Variants in COPG2 observed in about 807,000 individuals in gnomAD.
The protein encoded by COPG2 is coat protein complex I subunit gamma 2.
In COPG2, 37 loss-of-function variants were observed where a neutral mutation model predicts 46.3. The observed-to-expected ratio is 0.80, with a 90% CI of 0.61 to 1.05. COPG2 has a LOEUF of 1.05. Ranked by LOEUF, COPG2 falls within the 50% of genes least tolerant of loss-of-function variation. COPG2 has a pLI of 0.00. For missense variants in COPG2, 427 were observed against 387.8 expected (o/e 1.10, Z -0.85); for synonymous variants, 159 against 129.7 (o/e 1.23, Z -1.53).
chr7:130,532,481 G>C (rs1321109657), intron 20 of COPG2, among the ~76,000 whole-genome samples: 1 of 151,994 alleles, frequency 6.6e-6, no homozygotes, highest in African/African-American at 2.4e-5. Context: ...GGACTGACAG[G>C]AGCACCCAGG....
chr7:130,642,058 TCTCAATTCTCTCAATTCTCAATTC>T (rs1415997998), intron 5 of COPG2, among the ~76,000 whole-genome samples: 40 of 152,228 alleles, frequency 2.6e-4, no homozygotes, highest in South Asian at 4.1e-4. Context: ...ATTCCAGAAT[TCTCAATTCTCTCAATTCTCAATTC>T]CTCAATTCTC....
intron 5 of COPG2, chr7:130,645,206 G>A: frequency 1.5e-6 from 1 of 685,324 alleles, no homozygotes; most frequent in South Asian, 1.4e-5. Flanking sequence ...CCCCTTTCCA[G>A]AATGAGCTAC....
At chr7:130,532,967 A>G (rs1799843548) in intron 20 of COPG2, among the ~76,000 whole-genome samples, 1 of 152,098 alleles carries the variant, frequency 6.6e-6, no homozygotes, top group Non-Finnish European at 1.5e-5. Context: ...CATGCTATGC[A>G]GTAGAGGAGG....
chr7:130,612,098 C>T (rs1794859746), intron 8 of COPG2, 54 bp downstream of exon 8: 6 of 1,277,180 alleles, frequency 4.7e-6, no homozygotes, highest in African/African-American at 1.5e-5. Flanking sequence ...CCCTACAATA[C>T]AGGTTTAAAG....
chr7:130,532,140 G>C (rs938905179), intron 20 of COPG2, among the ~76,000 whole-genome samples: 4 of 152,190 alleles, frequency 2.6e-5, no homozygotes, highest in Admixed American at 6.5e-5. Context: ...GGAGGCATCA[G>C]GGTCAAGACT....
chr7:130,583,691 G>A (rs1403584486), intron 9 of COPG2, among the ~76,000 whole-genome samples: 3 of 149,206 alleles, frequency 2.0e-5, no homozygotes, highest in African/African-American at 7.4e-5. Flanking sequence ...TGTAGTCCCA[G>A]CTACTTGGGA....
intron 9 of COPG2, among the ~76,000 whole-genome samples, chr7:130,596,820 G>A (rs782068221): frequency 3.3e-5 from 5 of 152,320 alleles, no homozygotes; most frequent in Non-Finnish European, 5.9e-5. Context: ...TAGTCCCTCC[G>A]AAGAGGAAAC....
intron 5 of COPG2, among the ~76,000 whole-genome samples, chr7:130,624,436 T>G (rs1194183481): frequency 1.3e-5 from 2 of 152,142 alleles, no homozygotes; most frequent in African/African-American, 4.8e-5. Context: ...TTTATTTCAA[T>G]AGTTTTAGGG....
At chr7:130,657,085 T>C (rs1247236859) in intron 4 of COPG2, among the ~76,000 whole-genome samples, 3 of 151,748 alleles carry the variant, frequency 2.0e-5, no homozygotes, top group Middle Eastern at 3.4e-3. Context: ...AATAGAAAGA[T>C]TTGCACTATA....
At chr7:130,617,436 C>T (rs1794969305) in intron 5 of COPG2, among the ~76,000 whole-genome samples, 1 of 152,114 alleles carries the variant, frequency 6.6e-6, no homozygotes, top group Admixed American at 6.5e-5. Context: ...TGACATACCC[C>T]CAAATCCTAA....
intron 20 of COPG2, among the ~76,000 whole-genome samples, chr7:130,512,839 A>C (rs986959772): frequency 6.6e-6 from 1 of 152,202 alleles, no homozygotes; most frequent in East Asian, 1.9e-4. Flanking sequence ...AGTTGCCTAG[A>C]AGTTACTCTG....
At chr7:130,551,395 A>G (rs1219438317) in intron 15 of COPG2, 51 bp from the exon 16 acceptor site, 2 of 397,864 alleles carry the variant, frequency 5.0e-6, no homozygotes, top group African/African-American at 4.1e-5. Context: ...AAGACTTCCA[A>G]TAGCTCTACT....
At chr7:130,566,519 G>A (rs1046855635) in intron 9 of COPG2, among the ~76,000 whole-genome samples, 11 of 152,290 alleles carry the variant, frequency 7.2e-5, no homozygotes, top group African/African-American at 2.2e-4. Flanking sequence ...GAGAAGGCGA[G>A]GATTAAAGAA....
At chr7:130,535,955 G>A (rs1799875879) in intron 20 of COPG2, among the ~76,000 whole-genome samples, 1 of 152,052 alleles carries the variant, frequency 6.6e-6, no homozygotes, top group South Asian at 2.1e-4. Context: ...ACCACCAAAT[G>A]GGAAGTCTCT....
chr7:130,519,670 T>C (rs1799709129), intron 20 of COPG2, among the ~76,000 whole-genome samples: 1 of 152,128 alleles, frequency 6.6e-6, no homozygotes. Flanking sequence ...GTCACAGATA[T>C]TGACAGGAAA....
intron 20 of COPG2, among the ~76,000 whole-genome samples, chr7:130,519,409 C>T (rs1799707538): frequency 6.6e-6 from 1 of 152,080 alleles, no homozygotes; most frequent in Admixed American, 6.5e-5. Context: ...GATGTCCAGA[C>T]TGAATGGAGG....
intron 4 of COPG2, 134 bp downstream of exon 4, chr7:130,662,833 T>G (rs952147719): frequency 1.6e-6 from 1 of 644,798 alleles, no homozygotes. Context: ...TAATGAATAT[T>G]TATAAGTTTT....
chr7:130,509,040 CAAA>C (rs147902319), intron 20 of COPG2: 2 of 411,680 alleles, frequency 4.9e-6, no homozygotes, highest in South Asian at 3.7e-5. Context: ...AAAAAAAAAA[CAAA>C]AAAAAAACCT....
At chr7:130,606,429 T>G (rs7803211) in intron 9 of COPG2, among the ~76,000 whole-genome samples, 1 of 152,106 alleles carries the variant, frequency 6.6e-6, no homozygotes, top group African/African-American at 2.4e-5. Flanking sequence ...CTACAGAAAT[T>G]TGGACTTAAA....
Sources: gnomAD v4.1 joint callset for allele counts (sites outside exome capture counted in the v4.1 genomes callset) on GRCh38, gnomAD v4.1.1 for gene constraint, MANE v1.5 for transcripts, NCBI Gene and HGNC (gene_info 2026-07-23, HGNC 2026-07-21) for gene names.